Variants in GLI3 observed in about 807,000 individuals in gnomAD.
GLI3 encodes GLI family zinc finger 3, also known as transcription activator GLI3.
Under a neutral mutation model 100.8 loss-of-function variants are expected in GLI3, and 20 were observed. The ratio of observed to expected loss-of-function variants is 0.20; its 90% CI spans 0.14 to 0.29. GLI3 has a LOEUF of 0.29. GLI3 is among the 10% of genes least tolerant of loss of function. The pLI is 1.00. For synonymous variants in GLI3, 938 were observed against 860.5 expected (o/e 1.09, Z -1.58); for missense variants, 2,040 against 2,128.5 (o/e 0.96, Z 0.82).
chr7:42,220,112 A>G (rs1230086922), intron 2 of GLI3, among the ~76,000 whole-genome samples: 3 of 152,130 alleles, frequency 2.0e-5, no homozygotes, highest in East Asian at 1.9e-4. Context: ...TCGGCCTGCC[A>G]AAGTGCTGGG....
intron 10 of GLI3, among the ~76,000 whole-genome samples, chr7:42,012,382 C>G (rs141010787): frequency 7.8e-4 from 119 of 152,092 alleles, no homozygotes; most frequent in African/African-American, 2.6e-3. Flanking sequence ...TCCTCTCCCC[C>G]CTCCCTTTTC....
At chr7:42,116,487 GAA>G (rs1166291083) in intron 3 of GLI3, among the ~76,000 whole-genome samples, 19 of 92,180 alleles carry the variant, frequency 2.1e-4, no homozygotes, top group African/African-American at 4.2e-4. Flanking sequence ...TCTGCAAAAA[GAA>G]AAAAAAAAAA....
chr7:42,251,432 T>C (rs1393146970), intron 1 of GLI3, among the ~76,000 whole-genome samples: 2 of 152,178 alleles, frequency 1.3e-5, no homozygotes, highest in African/African-American at 4.8e-5. Context: ...GCTCTAATGC[T>C]CGCTTGCCGC....
chr7:42,169,145 A>T (rs143654639), intron 2 of GLI3, among the ~76,000 whole-genome samples: 1 of 152,216 alleles, frequency 6.6e-6, no homozygotes, highest in East Asian at 1.9e-4. Flanking sequence ...AAAAACTTCC[A>T]GACAGCCCTT....
At chr7:42,228,904 G>C (rs1788638037) in intron 1 of GLI3, among the ~76,000 whole-genome samples, 1 of 152,114 alleles carries the variant, frequency 6.6e-6, no homozygotes, top group Non-Finnish European at 1.5e-5. Context: ...ACAACCAGAG[G>C]CTTTCTGTAG....
At chr7:41,981,351 G>A (rs929463628) in intron 10 of GLI3, among the ~76,000 whole-genome samples, 1 of 152,204 alleles carries the variant, frequency 6.6e-6, no homozygotes, top group Non-Finnish European at 1.5e-5. Context: ...CCAGCAGTGA[G>A]GATGTGGGAA....
intron 10 of GLI3, among the ~76,000 whole-genome samples, chr7:42,014,799 G>A (rs1241882720): frequency 6.6e-6 from 1 of 152,144 alleles, no homozygotes; most frequent in Non-Finnish European, 1.5e-5. Flanking sequence ...TAGCTGCTAT[G>A]CCTGCAATTT....
At chr7:42,042,169 C>A (rs948016069) in intron 6 of GLI3, among the ~76,000 whole-genome samples, 1 of 152,024 alleles carries the variant, frequency 6.6e-6, no homozygotes, top group Non-Finnish European at 1.5e-5. Flanking sequence ...CACACCACCA[C>A]GCCCGGATAA....
intron 3 of GLI3, among the ~76,000 whole-genome samples, chr7:42,080,745 T>C (rs2128752991): frequency 6.6e-6 from 1 of 152,328 alleles, no homozygotes; most frequent in East Asian, 1.9e-4. Context: ...AAAATGCTCC[T>C]GAATCCTCAA....
chr7:42,011,756 C>T (rs1365354107), intron 10 of GLI3, among the ~76,000 whole-genome samples: 7 of 151,972 alleles, frequency 4.6e-5, no homozygotes, highest in Admixed American at 3.3e-4. Flanking sequence ...CAGGGGCTGG[C>T]GGGGAGGGGG....
intron 10 of GLI3, among the ~76,000 whole-genome samples, chr7:42,004,275 C>A (rs1386696385): frequency 6.6e-6 from 1 of 151,970 alleles, no homozygotes; most frequent in African/African-American, 2.4e-5. Context: ...CTATCCAATG[C>A]AATGAGACAT....
At chr7:42,098,239 C>A (rs1019236617) in intron 3 of GLI3, among the ~76,000 whole-genome samples, 13 of 152,094 alleles carry the variant, frequency 8.5e-5, no homozygotes, top group African/African-American at 3.1e-4. Flanking sequence ...TGAACAAATT[C>A]TCATTATTAG....
chr7:42,008,493 G>C (rs1050738056), intron 10 of GLI3, among the ~76,000 whole-genome samples: 38 of 152,156 alleles, frequency 2.5e-4, no homozygotes, highest in Non-Finnish European at 5.1e-4. Flanking sequence ...ACAGGTTGGA[G>C]CATAGTGGCT....
At chr7:42,037,794 T>C (rs1784045820) in intron 7 of GLI3, among the ~76,000 whole-genome samples, 1 of 152,116 alleles carries the variant, frequency 6.6e-6, no homozygotes, top group South Asian at 2.1e-4. Flanking sequence ...AAATGGGCAA[T>C]GATGATTTCA....
At chr7:42,246,874 G>GT (rs1788982135) in intron 1 of GLI3, among the ~76,000 whole-genome samples, 1 of 124,796 alleles carries the variant, frequency 8.0e-6, no homozygotes, top group African/African-American at 3.1e-5. Flanking sequence ...TCTGAAAAAA[G>GT]TCTGTGAAAT....
chr7:42,085,518 G>C (rs1785085960), intron 3 of GLI3, among the ~76,000 whole-genome samples: 4 of 152,104 alleles, frequency 2.6e-5, no homozygotes, highest in Admixed American at 2.6e-4. Flanking sequence ...AGACAATCCT[G>C]AGAACTAAGA....
chr7:42,146,209 G>A (rs1158313865), intron 3 of GLI3, among the ~76,000 whole-genome samples: 1 of 152,096 alleles, frequency 6.6e-6, no homozygotes, highest in East Asian at 1.9e-4. Context: ...AGAATGTAAC[G>A]AATAATCCAC....
At chr7:41,968,163 C>A (rs1007345351) in intron 13 of GLI3, among the ~76,000 whole-genome samples, 4 of 152,174 alleles carry the variant, frequency 2.6e-5, no homozygotes, top group African/African-American at 4.8e-5. Flanking sequence ...GTGTGACTGG[C>A]ATGGTATCAG....
At chr7:42,076,433 C>G (rs956935688) in intron 4 of GLI3, among the ~76,000 whole-genome samples, 1 of 152,162 alleles carries the variant, frequency 6.6e-6, no homozygotes, top group Non-Finnish European at 1.5e-5. Context: ...CTAATGTCGA[C>G]CAAATACATA....
Sources: gnomAD v4.1 joint callset for allele counts (sites outside exome capture counted in the v4.1 genomes callset) on GRCh38, gnomAD v4.1.1 for gene constraint, MANE v1.5 for transcripts, NCBI Gene and HGNC (gene_info 2026-07-23, HGNC 2026-07-21) for gene names.